MTF2: variants seen among roughly 807,000 people sequenced by gnomAD.
MTF2 encodes metal response element binding transcription factor 2, also known as metal-response element-binding transcription factor 2.
Under a neutral mutation model 79.5 loss-of-function variants are expected in MTF2, and 11 were observed. That is an observed-to-expected ratio of 0.14 (90% confidence interval 0.09 to 0.23). The LOEUF is 0.23. Among genes scored for constraint, MTF2 ranks in the 10% least tolerant of loss-of-function variants. The probability of loss-of-function intolerance (pLI) is 1.00; values close to 1 mark genes in which losing one functional copy is unlikely to be tolerated. For synonymous variants in MTF2, 208 were observed against 232.8 expected (o/e 0.89, Z 0.97); for missense variants, 486 against 711.2 (o/e 0.68, Z 3.60).
chr1:93,104,588 A>G (rs1486281993), intron 1 of MTF2, among the ~76,000 whole-genome samples: 1 of 151,454 alleles, frequency 6.6e-6, no homozygotes, highest in Non-Finnish European at 1.5e-5. Context: ...CTGAGGCACA[A>G]GAATTGCTTG....
chr1:93,135,910 C>T (rs777335638), intron 14 of MTF2, among the ~76,000 whole-genome samples: 2 of 152,152 alleles, frequency 1.3e-5, no homozygotes, highest in Non-Finnish European at 2.9e-5. Context: ...AGTAACAAGC[C>T]CAACATTGCA....
In MTF2 at chr1:93,127,246, A is replaced by G. The variant is rs781098524; in HGVS notation, c.936A>G (p.Pro312=). 6.2e-7 allele frequency: 1 copy of G among 1,612,194 alleles called. No individual in the cohort carries two copies. Among genetic ancestry groups the G allele is most frequent in the Non-Finnish European group, 8.5e-7 (1 of 1,178,468 alleles). The change falls in exon 10 of 15, where the codon CCA becomes CCG. Residue 312 remains proline (P), a synonymous_variant. Coordinates refer to ENST00000370298, the MANE Select transcript of MTF2 (RefSeq NM_007358.4). ...RLHPGELADT[P]KSERYEHVLE... ...ATACTTCACAGCTGGCAGACACACC[A>G]AAATCTGAAAGATATGAGCATGTTC...
rs549732161 is a variant in MTF2, at chr1:93,124,353, T to C, written c.922-2879T>C. On this transcript the variant is annotated intron_variant, in intron 9 of 14. Transcript: ENST00000370298. ...GTCTCATCTGTTGTATCAGATTGTT[T>C]TGGGGAGTTTAAAATGAGATATTAG... Among the ~76,000 whole-genome samples the C allele has an allele frequency of 1.2e-4, 18 of 152,182 alleles. No individual in the cohort carries two copies. In the South Asian group the frequency reaches 1.4e-3, roughly 12 times the overall value.
chr1:93,117,187 G>A (rs12057476), intron 6 of MTF2, among the ~76,000 whole-genome samples: 24,850 of 151,986 alleles, frequency 0.16, 2,265 homozygotes, highest in African/African-American at 0.21. Context: ...AAAGATAACC[G>A]TATCAAAGTT....
At chr1:93,096,522 CT>C (rs958561549) in intron 1 of MTF2, among the ~76,000 whole-genome samples, 14 of 148,052 alleles carry the variant, frequency 9.5e-5, no homozygotes, top group African/African-American at 2.2e-4. Context: ...CTGTCATATG[CT>C]TTTTTTTTTC....
chr1:93,120,996 A>T (rs1208570602), intron 9 of MTF2: 1 of 1,046,726 alleles, frequency 9.6e-7, no homozygotes, highest in African/African-American at 1.7e-5. Flanking sequence ...CTTGTAGTTC[A>T]ACCTCCTTTT....
Position 93,079,371 on chromosome 1 carries a change from C to A in MTF2, c.-156C>A. ...AAGAACGCTCATTCTACCCCCAACCCTTGTCTCCAAGGACCTCGGTTTGTG... is the reference window on the plus strand; with the variant it reads ...AAGAACGCTCATTCTACCCCCAACCATTGTCTCCAAGGACCTCGGTTTGTG... On this transcript the variant is annotated 5_prime_UTR_variant, in exon 1 of 15. Coordinates refer to ENST00000370298, the MANE Select transcript of MTF2 (RefSeq NM_007358.4). 1 of 865,324 alleles carries A rather than the reference C, an allele frequency of 1.2e-6. No individual in the cohort carries two copies. Among genetic ancestry groups the A allele is most frequent in the Non-Finnish European group, 1.9e-6 (1 of 525,224 alleles). The allele number at this position is 865,324 out of a possible 1,614,324, so 53.6% of individuals were successfully genotyped here.
chr1:93,094,145 T>C (rs2101030114), intron 1 of MTF2, among the ~76,000 whole-genome samples: 1 of 152,306 alleles, frequency 6.6e-6, no homozygotes, highest in East Asian at 1.9e-4. Context: ...GGTTACTTCT[T>C]TCAGTACTGG....
chr1:93,129,087 C>CGAA, intron 10 of MTF2, 191 bp from the exon 11 acceptor site: 1 of 397,478 alleles, frequency 2.5e-6, no homozygotes, highest in African/African-American at 2.1e-5. Context: ...CCTATCCCTT[C>CGAA]CTCCCCATCA....
intron 9 of MTF2, among the ~76,000 whole-genome samples, chr1:93,123,771 C>T (rs924508992): frequency 7.1e-6 from 1 of 140,698 alleles, no homozygotes; most frequent in Non-Finnish European, 1.5e-5. Context: ...TCCCCCCCCC[C>T]TTTTTTTAAT....
intron 1 of MTF2, among the ~76,000 whole-genome samples, chr1:93,101,220 G>A (rs1245377275): frequency 6.6e-6 from 1 of 152,010 alleles, no homozygotes; most frequent in Non-Finnish European, 1.5e-5. Context: ...TTGAACACTT[G>A]GTCTCAAGGG....
In MTF2 at chr1:93,119,328, C is replaced by G. The variant is rs75449515; in HGVS notation, c.729-5C>G. ...AAAACTTTTTCTTTTTTTTTTTTTTCTTAGATTTTATACGTTTATATGCTC... is the reference window on the plus strand; with the variant it reads ...AAAACTTTTTCTTTTTTTTTTTTTTGTTAGATTTTATACGTTTATATGCTC... On this transcript the variant is annotated splice_region_variant and splice_polypyrimidine_tract_variant and intron_variant, in intron 7 of 14. Transcript: ENST00000370298. 5.3e-5 allele frequency: 59 copies of G among 1,103,002 alleles called. No individual in the cohort carries two copies. The highest frequency in any genetic ancestry group is 6.1e-5 in the Non-Finnish European group (52 of 852,844). The allele number at this position is 1,103,002 out of a possible 1,614,324, so 68.3% of individuals were successfully genotyped here.
intron 1 of MTF2, among the ~76,000 whole-genome samples, chr1:93,082,617 G>A (rs551902064): frequency 6.6e-6 from 1 of 152,002 alleles, no homozygotes; most frequent in East Asian, 1.9e-4. Flanking sequence ...TTTATTTTTA[G>A]GTGAAGTTTA....
chr1:93,134,496 A>G (rs1309140392), intron 14 of MTF2: 12 of 277,688 alleles, frequency 4.3e-5, no homozygotes. Context: ...TCTGCTACAC[A>G]AGTGTTCTTT....
intron 1 of MTF2, among the ~76,000 whole-genome samples, chr1:93,090,175 A>G (rs182210426): frequency 7.9e-5 from 12 of 152,088 alleles, no homozygotes; most frequent in African/African-American, 2.9e-4. Context: ...ACGGGGTTTC[A>G]CCGTGTTAGA....
At chr1:93,102,729 G>C (rs546048056) in intron 1 of MTF2, among the ~76,000 whole-genome samples, 38 of 152,288 alleles carry the variant, frequency 2.5e-4, no homozygotes, top group Non-Finnish European at 8.8e-5. Context: ...TGTGGTGAGA[G>C]TGTGAGTTGG....
intron 11 of MTF2, among the ~76,000 whole-genome samples, chr1:93,131,213 G>A (rs759917718): frequency 1.3e-5 from 2 of 152,182 alleles, no homozygotes; most frequent in Non-Finnish European, 2.9e-5. Context: ...AATGATCAGT[G>A]AGATGGGAGG....
chr1:93,126,177 C>G (rs1399508910), intron 9 of MTF2, among the ~76,000 whole-genome samples: 1 of 150,886 alleles, frequency 6.6e-6, no homozygotes, highest in Non-Finnish European at 1.5e-5. Flanking sequence ...TTTTAGCACT[C>G]AGCATATTGG....
intron 1 of MTF2, among the ~76,000 whole-genome samples, chr1:93,091,642 C>T (rs1486306172): frequency 6.6e-6 from 1 of 152,210 alleles, no homozygotes; most frequent in Non-Finnish European, 1.5e-5. Flanking sequence ...ATGTTTTAAA[C>T]TGTGACCACC....
Sources: gnomAD v4.1 joint callset for allele counts (sites outside exome capture counted in the v4.1 genomes callset) on GRCh38, gnomAD v4.1.1 for gene constraint, MANE v1.5 for transcripts, NCBI Gene and HGNC (gene_info 2026-07-23, HGNC 2026-07-21) for gene names.